PDE11A: variants seen among roughly 807,000 people sequenced by gnomAD.
The protein encoded by PDE11A is phosphodiesterase 11A, also known as dual 3',5'-cyclic-AMP and -GMP phosphodiesterase 11A.
Under a neutral mutation model 100.5 loss-of-function variants are expected in PDE11A, and 100 were observed. That is an observed-to-expected ratio of 1.00 (90% CI 0.85 to 1.18). PDE11A has a LOEUF of 1.18. Ranked by LOEUF, PDE11A falls within the 50% of genes most tolerant of loss-of-function variation. PDE11A has a pLI of 0.00. For synonymous variants in PDE11A, 381 were observed against 420.8 expected (o/e 0.91, Z 1.16); for missense variants, 1,141 against 1,152.6 (o/e 0.99, Z 0.15).
chr2:178,072,438 G>C lies in PDE11A; in HGVS notation c.-1C>G, dbSNP rs2105873814. On this transcript the variant is annotated 5_prime_UTR_variant, in exon 1 of 20. Transcript: ENST00000286063. Reference sequence around the variant, plus strand: ...CAAAGTCCAGGCGGGAGGCTGCCATGGTCCCAGACAGCTTTCCTTGCCTGT... The same window carrying C: ...CAAAGTCCAGGCGGGAGGCTGCCATCGTCCCAGACAGCTTTCCTTGCCTGT... 1 of 1,613,230 alleles carries C rather than the reference G, an allele frequency of 6.2e-7. No individual in the cohort carries two copies. Among genetic ancestry groups the C allele is most frequent in the East Asian group, 2.2e-5 (1 of 44,884 alleles).
chr2:177,887,502 G>T (rs2084456339), intron 4 of PDE11A, among the ~76,000 whole-genome samples: 1 of 152,038 alleles, frequency 6.6e-6, no homozygotes, highest in South Asian at 2.1e-4. Flanking sequence ...GGTGGCTCAT[G>T]CTTGTAATCC....
chr2:177,775,326 T>A (rs1226388227), intron 9 of PDE11A, among the ~76,000 whole-genome samples: 1 of 152,202 alleles, frequency 6.6e-6, no homozygotes, highest in African/African-American at 2.4e-5. Flanking sequence ...GCTCTGTAAG[T>A]GCCACTCCAT....
intron 6 of PDE11A, among the ~76,000 whole-genome samples, chr2:177,826,681 T>A (rs2083230805): frequency 6.6e-6 from 1 of 152,246 alleles, no homozygotes; most frequent in Non-Finnish European, 1.5e-5. Context: ...TGTTGGATTC[T>A]TAGAACTGTG....
intron 19 of PDE11A, among the ~76,000 whole-genome samples, chr2:177,642,357 G>A (rs75680146): frequency 0.025 from 3,881 of 152,226 alleles, 146 homozygotes; most frequent in African/African-American, 0.087. Flanking sequence ...TTGGCAACAC[G>A]ACCAAGGGTG....
At chr2:177,782,455 A>G (rs2082467487) in intron 9 of PDE11A, among the ~76,000 whole-genome samples, 1 of 152,250 alleles carries the variant, frequency 6.6e-6, no homozygotes, top group Admixed American at 6.5e-5. Context: ...TCAGGTGTCA[A>G]CTGAAGCTTC....
chr2:178,101,990 G>A (rs964029081), intron 2 of PDE11A, among the ~76,000 whole-genome samples: 2 of 151,702 alleles, frequency 1.3e-5, no homozygotes, highest in East Asian at 3.9e-4. Flanking sequence ...TTGAGACAGG[G>A]TCTCACTCTG....
intron 10 of PDE11A, among the ~76,000 whole-genome samples, chr2:177,745,100 C>T (rs1172907865): frequency 1.3e-5 from 2 of 152,150 alleles, no homozygotes; most frequent in Non-Finnish European, 2.9e-5. Flanking sequence ...ATTTTTAGGT[C>T]CAGTGTTTGT....
At chr2:178,059,998 T>C (rs181095430) in intron 1 of PDE11A, among the ~76,000 whole-genome samples, 3 of 152,352 alleles carry the variant, frequency 2.0e-5, no homozygotes, top group Admixed American at 2.0e-4. Flanking sequence ...TAGAAAGACA[T>C]TGAAATATGA....
intron 15 of PDE11A, among the ~76,000 whole-genome samples, chr2:177,690,166 A>C (rs1053090412): frequency 6.6e-6 from 1 of 150,880 alleles, no homozygotes; most frequent in African/African-American, 2.5e-5. Context: ...ATTCTTTGAA[A>C]TATGTCAAGA....
At chr2:177,737,085 C>A (rs1421066244) in intron 10 of PDE11A, among the ~76,000 whole-genome samples, 1 of 149,966 alleles carries the variant, frequency 6.7e-6, no homozygotes, top group Admixed American at 6.7e-5. Flanking sequence ...ACTAAAAATA[C>A]AAAAATTAGC....
intron 10 of PDE11A, among the ~76,000 whole-genome samples, chr2:177,749,509 T>C (rs1490392543): frequency 6.6e-6 from 1 of 152,200 alleles, no homozygotes. Flanking sequence ...TATTCTTTCC[T>C]TTCTGGGTAG....
intron 5 of PDE11A, among the ~76,000 whole-genome samples, chr2:177,865,277 C>T (rs894293209): frequency 2.6e-5 from 4 of 152,054 alleles, no homozygotes; most frequent in Non-Finnish European, 5.9e-5. Flanking sequence ...GACTCCATCC[C>T]CTGCATCCCC....
intron 2 of PDE11A, among the ~76,000 whole-genome samples, chr2:177,956,228 C>T (rs975681488): frequency 2.0e-5 from 3 of 152,146 alleles, no homozygotes; most frequent in African/African-American, 7.2e-5. Flanking sequence ...AAACAAACAA[C>T]CCCATCAAAA....
chr2:178,087,419 T>C (rs1408270442), intron 2 of PDE11A, among the ~76,000 whole-genome samples: 3 of 149,848 alleles, frequency 2.0e-5, no homozygotes, highest in Non-Finnish European at 4.4e-5. Flanking sequence ...CACAAAAAAA[T>C]CATATCTTGT....
chr2:177,840,015 A>G (rs2083464138), intron 6 of PDE11A, among the ~76,000 whole-genome samples: 1 of 152,214 alleles, frequency 6.6e-6, no homozygotes. Context: ...ATAGTTTAAT[A>G]TAAAATATAC....
intron 2 of PDE11A, among the ~76,000 whole-genome samples, chr2:177,928,104 CAAAAAAAAAAAAA>C (rs59085357): frequency 1.8e-5 from 1 of 56,456 alleles, no homozygotes; most frequent in Non-Finnish European, 3.3e-5. Flanking sequence ...AACTCCATCT[CAAAAAAAAAAAAA>C]AAAAAAAAAG....
intron 5 of PDE11A, among the ~76,000 whole-genome samples, chr2:177,857,314 G>T (rs2083854707): frequency 6.6e-6 from 1 of 151,874 alleles, no homozygotes; most frequent in Non-Finnish European, 1.5e-5. Flanking sequence ...CCTTCAGGCT[G>T]AAATGAAAAG....
At chr2:177,885,108 T>G (rs2084407737) in intron 4 of PDE11A, among the ~76,000 whole-genome samples, 1 of 152,098 alleles carries the variant, frequency 6.6e-6, no homozygotes, top group African/African-American at 2.4e-5. Flanking sequence ...TATAAATGAT[T>G]AATGATGTGA....
intron 1 of PDE11A, among the ~76,000 whole-genome samples, chr2:178,062,283 T>A (rs1362807157): frequency 6.9e-6 from 1 of 144,834 alleles, no homozygotes; most frequent in Non-Finnish European, 1.5e-5. Context: ...AAGCCAATGA[T>A]CAAAGATGGG....
Sources: gnomAD v4.1 joint callset for allele counts (sites outside exome capture counted in the v4.1 genomes callset) on GRCh38, gnomAD v4.1.1 for gene constraint, MANE v1.5 for transcripts, NCBI Gene and HGNC (gene_info 2026-07-23, HGNC 2026-07-21) for gene names.